The following ACOX3 variants were observed in gnomAD, a reference collection of about 807,000 sequenced individuals.
ACOX3 encodes the protein peroxisomal acyl-coenzyme A oxidase 3.
Under a neutral mutation model 81.5 loss-of-function variants are expected in ACOX3, and 73 were observed. The observed-to-expected ratio is 0.90, with a 90% CI of 0.74 to 1.09. ACOX3 has a LOEUF of 1.09. Ranked by LOEUF, ACOX3 falls within the 50% of genes least tolerant of loss-of-function variation. ACOX3 has a pLI of 0.00. For missense variants in ACOX3, 947 were observed against 928.0 expected (o/e 1.02, Z -0.27); for synonymous variants, 387 against 375.1 (o/e 1.03, Z -0.37).
At chr4:8,373,432 G>T in intron 16 of ACOX3, 129 bp downstream of exon 16, 1 of 936,170 alleles carries the variant, frequency 1.1e-6, no homozygotes, top group South Asian at 1.5e-5. Context: ...GTGACGCTAA[G>T]GGGGTGCGTG....
chr4:8,429,462 C>T (rs143168538), intron 1 of ACOX3, among the ~76,000 whole-genome samples: 4 of 152,282 alleles, frequency 2.6e-5, no homozygotes, highest in African/African-American at 4.8e-5. Context: ...GTGATAGACG[C>T]GGGGCTTTGG....
At chr4:8,410,010 C>T (rs1447057604) in intron 6 of ACOX3, among the ~76,000 whole-genome samples, 9 of 148,812 alleles carry the variant, frequency 6.0e-5, no homozygotes, top group African/African-American at 2.2e-4. Flanking sequence ...GTGGGCAGGG[C>T]TGTGGAATGC....
At position 8,432,307 on chromosome 4, in the gene ACOX3, C is replaced by A. The variant is rs1365497921; in HGVS notation, c.-15+8341G>T. Among the ~76,000 whole-genome samples the A allele has an allele frequency of 2.0e-5, 3 of 152,098 alleles. No individual in the cohort carries two copies. The highest frequency in any genetic ancestry group is 7.2e-5 in the African/African-American group (3 of 41,398). ...GGAGTGCAGTGGTGCCATCTCGGCT[C>A]ACTGCAAGCTCTGCCTCCCGGGTTC... On this transcript the variant is annotated intron_variant, in intron 1 of 17. Coordinates refer to ENST00000356406, the MANE Select transcript of ACOX3 (RefSeq NM_003501.3). The surrounding 1 kb of genome is among the most constrained non-coding windows in gnomAD (Gnocchi z 6.2).
rs765540988 is a variant in ACOX3, at chr4:8,392,302, G to T, written c.1300+31C>A. 5 of 1,493,866 alleles carry T rather than the reference G, an allele frequency of 3.3e-6. No individual in the cohort carries two copies. In the Admixed American group the frequency reaches 1.1e-4, roughly 34 times the overall value. The allele number at this position is 1,493,866 out of a possible 1,614,324, so 92.5% of individuals were successfully genotyped here. ...GAGTCAAACAGCAGGGCTAAGGACA[G>T]GAAACCACCATGCGCTTCTCCAAAA... On this transcript the variant is annotated intron_variant, in intron 11 of 17. Transcript: ENST00000356406.
At chr4:8,404,795 G>A (rs759671883) in intron 7 of ACOX3, among the ~76,000 whole-genome samples, 2 of 152,132 alleles carry the variant, frequency 1.3e-5, no homozygotes, top group African/African-American at 2.4e-5. Context: ...TATGAAACAC[G>A]CATATCTAGA....
Position 8,440,689 on chromosome 4 carries a change from G to C in ACOX3, c.-56C>G, listed in dbSNP as rs898356694. 14 of 1,160,728 alleles carry C rather than the reference G, an allele frequency of 1.2e-5. No individual in the cohort carries two copies. In the Admixed American group the frequency reaches 1.4e-4, roughly 12 times the overall value. 71.9% of individuals were successfully genotyped at this position (1,160,728 alleles called of 1,614,324 possible). A position where few individuals can be genotyped will look rare whatever the true frequency, so the allele number is the denominator to read the frequency against. On this transcript the variant is annotated 5_prime_UTR_variant, in exon 1 of 18. Coordinates refer to ENST00000356406, the MANE Select transcript of ACOX3 (RefSeq NM_003501.3). ...TCAACCCCTGCCAGGGAAACCAAAAGCAGGAAAGGATCTCCAGCGGCGCCA... is the reference window on the plus strand; with the variant it reads ...TCAACCCCTGCCAGGGAAACCAAAACCAGGAAAGGATCTCCAGCGGCGCCA...
chr4:8,415,695 TG>T, intron 3 of ACOX3, 70 bp downstream of exon 3: 1 of 1,395,998 alleles, frequency 7.2e-7, no homozygotes, highest in Non-Finnish European at 1.0e-6. Context: ...TGGTTGGCCC[TG>T]GGACAGGCAT....
intron 6 of ACOX3, among the ~76,000 whole-genome samples, chr4:8,408,615 C>T (rs1256176001): frequency 2.0e-5 from 3 of 152,212 alleles, no homozygotes; most frequent in Admixed American, 2.0e-4. Flanking sequence ...TCTATAATCA[C>T]AGAAACAAGG....
Position 8,373,565 on chromosome 4 carries a change from G to A in ACOX3, c.1892C>T (p.Ser631Phe), listed in dbSNP as rs750637327. The A allele has an allele frequency of 6.2e-7, 1 of 1,613,706 alleles. No individual in the cohort carries two copies. Among genetic ancestry groups the A allele is most frequent in the South Asian group, 1.1e-5 (1 of 91,056 alleles). The change falls in exon 16 of 18, where the codon TCC becomes TTC. Residue 631 changes from serine (S) to phenylalanine (F), a missense_variant. By Grantham distance (155) the Ser-to-Phe change is radical (BLOSUM62 -2). Transcript: ENST00000356406. ...GCGACAGCACCCACGGCTCACCTGG[G>A]AACACAAAGCCAGGACGGCGCTCTC... is the stretch of plus-strand genomic sequence containing the variant. ...VLESAVLALCSQLKDDAVALV... is the reference protein window; with the variant it reads ...VLESAVLALCFQLKDDAVALV...
In ACOX3 at chr4:8,389,049, C is replaced by T; in HGVS notation, c.1537+124G>A. 1.4e-6 allele frequency: 1 copy of T among 730,402 alleles called. No individual in the cohort carries two copies. The highest frequency in any genetic ancestry group is 2.3e-6 in the Non-Finnish European group (1 of 430,332). 45.2% of individuals were successfully genotyped at this position (730,402 alleles called of 1,614,324 possible). On this transcript the variant is annotated intron_variant, in intron 13 of 17. Transcript: ENST00000356406. This position sits in a 1 kb window ranked among gnomAD's most constrained non-coding sequence, Gnocchi z 5.3. The stretch of plus-strand genomic sequence containing the variant: ...GCCCAGGACAAGCTGCATGCGGGGC[C>T]TCCCACCACCACTGCTGCCCCGGCT...
chr4:8,383,279 C>T (rs1271385676), intron 13 of ACOX3, among the ~76,000 whole-genome samples: 1 of 152,240 alleles, frequency 6.6e-6, no homozygotes, highest in African/African-American at 2.4e-5. Flanking sequence ...AGCCAAGGCT[C>T]CCCTCGCCAA....
At chr4:8,374,367 C>A (rs1716653847) in intron 15 of ACOX3, 1 of 152,564 alleles carries the variant, frequency 6.6e-6, no homozygotes, top group Admixed American at 6.5e-5. Flanking sequence ...GCACCACCCT[C>A]CAGGGGGTAA....
chr4:8,392,780 C>T (rs141239696), intron 10 of ACOX3, among the ~76,000 whole-genome samples: 12 of 152,298 alleles, frequency 7.9e-5, no homozygotes, highest in Admixed American at 2.6e-4. Flanking sequence ...AGTTCACAAA[C>T]GTCAAAGTGA....
chr4:8,392,215 T>G, intron 11 of ACOX3, 118 bp downstream of exon 11: 1 of 1,286,058 alleles, frequency 7.8e-7, no homozygotes, highest in Non-Finnish European at 1.0e-6. Context: ...AAACTTTATT[T>G]GCAAAAACAG....
intron 14 of ACOX3, among the ~76,000 whole-genome samples, chr4:8,378,236 G>T (rs1174737447): frequency 6.6e-6 from 1 of 152,214 alleles, no homozygotes; most frequent in Non-Finnish European, 1.5e-5. Flanking sequence ...TGCAGCCTGG[G>T]GAAAGGGTTG....
Position 8,382,996 on chromosome 4 carries a change from AAAAAAAAAAAG to A in ACOX3, c.1538-1400_1538-1390del, listed in dbSNP as rs1410821762. 1.9e-3 allele frequency among the ~76,000 whole-genome samples: 293 copies of A among 150,402 alleles called. 3 individuals are homozygous for A. The Middle Eastern group carries it at 0.021, about 11-fold the overall frequency. ...ACAGAGCGAGACTCCGTCTCAAAAAAAAAAAAAAAAGAAAAGAAAATACCCAACGTTGCAGT... is the reference window on the plus strand; with the variant it reads ...ACAGAGCGAGACTCCGTCTCAAAAAAAAAAGAAAATACCCAACGTTGCAGT... On this transcript the variant is annotated intron_variant, in intron 13 of 17. Transcript: ENST00000356406. This position sits in a 1 kb window ranked among gnomAD's most constrained non-coding sequence, Gnocchi z 4.1.
rs140619019 is a variant in ACOX3, at chr4:8,411,556, A to C, written c.544-1201T>G. Among the ~76,000 whole-genome samples, 959 of 152,260 alleles carry C rather than the reference A, an allele frequency of 6.3e-3. 6 individuals are homozygous for C. Among genetic ancestry groups the C allele is most frequent in the Admixed American group, 0.014 (211 of 15,308 alleles). On this transcript the variant is annotated intron_variant, in intron 5 of 17. Transcript: ENST00000356406. ...CCCCATTCATTCTTCAGCACGCGGCAGTTCTGATACCTCCACCTGTCACTC... is the reference window on the plus strand; with the variant it reads ...CCCCATTCATTCTTCAGCACGCGGCCGTTCTGATACCTCCACCTGTCACTC...
intron 1 of ACOX3, among the ~76,000 whole-genome samples, chr4:8,422,556 A>C (rs1723060080): frequency 6.6e-6 from 1 of 152,216 alleles, no homozygotes; most frequent in Non-Finnish European, 1.5e-5. Context: ...GCAGAAGTTC[A>C]CTTCTTGCCC....
Position 8,381,347 on chromosome 4 carries a change from C to A in ACOX3, c.1653+145G>T. The A allele has an allele frequency of 3.0e-6, 2 of 671,862 alleles. No individual in the cohort carries two copies. The highest frequency in any genetic ancestry group is 2.6e-6 in the Non-Finnish European group (1 of 387,136). 41.6% of individuals were successfully genotyped at this position (671,862 alleles called of 1,614,324 possible). A position where few individuals can be genotyped will look rare whatever the true frequency, so the allele number is the denominator to read the frequency against. ...TGTTACAGAGGAGCTGAGCAAGCAG[C>A]AAAGTCATCAAGTCATCTGCCCAAG... is the stretch of plus-strand genomic sequence containing the variant. On this transcript the variant is annotated intron_variant, in intron 14 of 17. Coordinates refer to ENST00000356406, the MANE Select transcript of ACOX3 (RefSeq NM_003501.3). This position sits in a 1 kb window ranked among gnomAD's most constrained non-coding sequence, Gnocchi z 4.3.
Sources: gnomAD v4.1 joint callset for allele counts (sites outside exome capture counted in the v4.1 genomes callset) on GRCh38, gnomAD v4.1.1 for gene constraint, Gnocchi (gnomAD v3.1) non-coding constraint, MANE v1.5 for transcripts, NCBI Gene and HGNC (gene_info 2026-07-23, HGNC 2026-07-21) for gene names.